The following ZNF875 variants were observed in gnomAD, a reference collection of about 807,000 sequenced individuals.
The protein encoded by ZNF875 is HKR1, GLI-Kruppel zinc finger family member.
A neutral mutation model predicts 11.2 loss-of-function variants in ZNF875; 14 were observed. That is an observed-to-expected ratio of 1.26 (90% CI 0.83 to 1.96). ZNF875 has a LOEUF of 1.96. Ranked by LOEUF, ZNF875 falls within the 30% of genes most tolerant of loss-of-function variation. The pLI is 0.00. For missense variants in ZNF875, 752 were observed against 760.4 expected (o/e 0.99, Z 0.13); for synonymous variants, 301 against 281.1 (o/e 1.07, Z -0.71).
chr19:37,362,059 C>T lies in ZNF875; in HGVS notation c.257-50C>T. 4 of 1,314,314 alleles carry T rather than the reference C, an allele frequency of 3.0e-6. 1 individual carries two copies. The South Asian group carries it at 5.5e-5, about 18-fold the overall frequency. 81.4% of individuals were successfully genotyped at this position (1,314,314 alleles called of 1,614,324 possible). A position where few individuals can be genotyped will look rare whatever the true frequency, so the allele number is the denominator to read the frequency against. On this transcript the variant is annotated intron_variant, in intron 4 of 4. Transcript: ENST00000392153. The stretch of plus-strand genomic sequence containing the variant: ...ATGACCAGTGGGCAAGGCAAAATTG[C>T]CTACACAGCCCTACCTATGGCCCCT...
intron 4 of ZNF875, among the ~76,000 whole-genome samples, chr19:37,361,490 T>C (rs2039915360): frequency 6.6e-6 from 1 of 152,124 alleles, no homozygotes; most frequent in African/African-American, 2.4e-5. Flanking sequence ...TCCTTTCTCT[T>C]TCTCTTTTCT....
intron 4 of ZNF875, among the ~76,000 whole-genome samples, chr19:37,350,736 C>G (rs1339663033): frequency 6.6e-6 from 1 of 150,814 alleles, no homozygotes; most frequent in Non-Finnish European, 1.5e-5. Flanking sequence ...CCTGTGCTAT[C>G]TTCCCTCCAA....
intron 2 of ZNF875, chr19:37,337,281 C>T (rs915897362): frequency 2.0e-5 from 3 of 152,168 alleles, no homozygotes; most frequent in African/African-American, 7.2e-5. Flanking sequence ...TTTGCCTTTT[C>T]CACCTCTCGG....
At chr19:37,338,977 G>A (rs1367479780) in intron 2 of ZNF875, among the ~76,000 whole-genome samples, 1 of 152,170 alleles carries the variant, frequency 6.6e-6, no homozygotes, top group East Asian at 1.9e-4. Flanking sequence ...TTGTAACAAT[G>A]AGATGAACTG....
chr19:37,362,452 C>T lies in ZNF875; in HGVS notation c.600C>T (p.Ser200=), dbSNP rs1318882564. 6.2e-7 allele frequency: 1 copy of T among 1,614,146 alleles called. No homozygotes were observed. The highest frequency in any genetic ancestry group is 1.1e-5 in the South Asian group (1 of 91,080). Residue 200 remains serine (S), a synonymous_variant, in exon 5 of 5, where the codon TCC becomes TCT. Coordinates refer to ENST00000392153, the MANE Select transcript of ZNF875 (RefSeq NM_001353803.2). Reference sequence around the variant, plus strand: ...ACAACACAGTGGTGGATATAGGGTCCAGCCCTGAACGGAGGGCAGATCTAG... The same window carrying T: ...ACAACACAGTGGTGGATATAGGGTCTAGCCCTGAACGGAGGGCAGATCTAG... ...KEDNTVVDIG[S]SPERRADLEE...
intron 2 of ZNF875, 114 bp from the exon 3 acceptor site, chr19:37,347,076 C>A: frequency 6.8e-7 from 1 of 1,469,172 alleles, no homozygotes; most frequent in Non-Finnish European, 9.5e-7. Context: ...CTTGGCCTCC[C>A]AAAGTGCTGG....
intron 2 of ZNF875, among the ~76,000 whole-genome samples, chr19:37,336,248 C>G (rs1034508467): frequency 6.6e-6 from 1 of 150,624 alleles, no homozygotes; most frequent in Non-Finnish European, 1.5e-5. Context: ...AGAGGCTGGA[C>G]TCTCAGTGTG....
intron 2 of ZNF875, chr19:37,346,437 G>A (rs73025481): frequency 0.29 from 44,006 of 152,334 alleles, 7,320 homozygotes; most frequent in East Asian, 0.38. Flanking sequence ...GAGCAGGCAC[G>A]TGGCAGCATT....
upstream of ZNF875, chr19:37,334,492 C>A (rs1173399443): frequency 1.6e-5 from 5 of 321,862 alleles, no homozygotes; most frequent in South Asian, 1.2e-4. Flanking sequence ...GGTTCGTAAA[C>A]TTGGTTGTGT....
intron 1 of ZNF875, among the ~76,000 whole-genome samples, chr19:37,321,059 A>G (rs1295941625): frequency 6.6e-6 from 1 of 152,158 alleles, no homozygotes; most frequent in Non-Finnish European, 1.5e-5. Context: ...AATCTCAAGT[A>G]CCCAGAGACA....
In ZNF875 at chr19:37,347,374, C is replaced by T. The variant is rs576585787; in HGVS notation, c.160+58C>T. On this transcript the variant is annotated intron_variant, in intron 3 of 4. Coordinates refer to ENST00000392153, the MANE Select transcript of ZNF875 (RefSeq NM_001353803.2). ...GCCCTACAGAGTATTTTCCACTCAT[C>T]GTGAGGAAGGGCTACCTGCAGAGCA... 6,190 of 1,521,718 alleles carry T rather than the reference C, an allele frequency of 4.1e-3. 16 individuals carry two copies. The highest frequency in any genetic ancestry group is 5.0e-3 in the Non-Finnish European group (5,651 of 1,122,082). The allele number at this position is 1,521,718 out of a possible 1,614,324, so 94.3% of individuals were successfully genotyped here. A position where few individuals can be genotyped will look rare whatever the true frequency, so the allele number is the denominator to read the frequency against.
upstream of ZNF875, chr19:37,313,145 G>A (rs527506728): frequency 6.6e-6 from 1 of 152,190 alleles, no homozygotes; most frequent in African/African-American, 2.4e-5. Context: ...CTTCTGACAT[G>A]CTGCATGTGT....
chr19:37,362,332 C>A lies in ZNF875; in HGVS notation c.480C>A (p.Asp160Glu), dbSNP rs1160967952. The A allele has an allele frequency of 6.2e-7, 1 of 1,614,112 alleles. No individual in the cohort carries two copies. The highest frequency in any genetic ancestry group is 8.5e-7 in the Non-Finnish European group (1 of 1,180,000). The change falls in exon 5 of 5, where the codon GAC (aspartate) becomes GAA (glutamate). Residue 160 changes from aspartate (D) to glutamate (E), a missense_variant. Coordinates refer to ENST00000392153, the MANE Select transcript of ZNF875 (RefSeq NM_001353803.2). ...GKAEWIQEGE[D>E]SRLLFGRVSK... ...CAGAATGGATTCAAGAGGGAGAAGACTCCAGACTCCTGTTTGGGAGAGTAA... is the reference window on the plus strand; with the variant it reads ...CAGAATGGATTCAAGAGGGAGAAGAATCCAGACTCCTGTTTGGGAGAGTAA...
At chr19:37,352,742 G>A (rs1243743552) in intron 4 of ZNF875, among the ~76,000 whole-genome samples, 1 of 151,726 alleles carries the variant, frequency 6.6e-6, no homozygotes, top group Non-Finnish European at 1.5e-5. Flanking sequence ...AAATGTTATT[G>A]TTGATAAGTA....
chr19:37,335,648 G>C (rs1054212397), intron 2 of ZNF875, among the ~76,000 whole-genome samples: 2 of 152,206 alleles, frequency 1.3e-5, no homozygotes, highest in African/African-American at 4.8e-5. Context: ...TCAGTTGGCC[G>C]TTTGGTTCGC....
At chr19:37,346,673 G>T (rs2036826664) in intron 2 of ZNF875, 1 of 158,674 alleles carries the variant, frequency 6.3e-6, no homozygotes, top group African/African-American at 2.4e-5. Context: ...AAGGGCTTTG[G>T]TTTTGTTTGC....
At chr19:37,326,997 AT>A (rs911539948) in intron 4 of ZNF875, among the ~76,000 whole-genome samples, 30 of 144,400 alleles carry the variant, frequency 2.1e-4, no homozygotes, top group African/African-American at 3.8e-4. Context: ...TATTATTATA[AT>A]TTTTTTTTTT....
chr19:37,359,143 G>A (rs867706760), intron 4 of ZNF875, among the ~76,000 whole-genome samples: 1 of 149,680 alleles, frequency 6.7e-6, no homozygotes, highest in Non-Finnish European at 1.5e-5. Flanking sequence ...CAGGTGATCC[G>A]CCACCTCAGC....
chr19:37,350,673 A>T (rs1448861632), intron 4 of ZNF875, among the ~76,000 whole-genome samples: 2 of 151,942 alleles, frequency 1.3e-5, no homozygotes, highest in Non-Finnish European at 2.9e-5. Context: ...TTATGTAGCC[A>T]CCATCACCAC....
Sources: gnomAD v4.1 joint callset for allele counts (sites outside exome capture counted in the v4.1 genomes callset) on GRCh38, gnomAD v4.1.1 for gene constraint, MANE v1.5 for transcripts, NCBI Gene and HGNC (gene_info 2026-07-23, HGNC 2026-07-21) for gene names.